Variants in DPP6 observed in about 807,000 individuals in gnomAD.
DPP6 encodes the protein dipeptidyl peptidase like 6, also known as A-type potassium channel modulatory protein DPP6.
In DPP6, 69 loss-of-function variants were observed where a neutral mutation model predicts 122.6. The observed-to-expected ratio is 0.56, with a 90% CI of 0.46 to 0.69. DPP6 has a LOEUF of 0.69. Among genes scored for constraint, DPP6 ranks in the 30% least tolerant of loss-of-function variants. The pLI is 0.00. For missense variants in DPP6, 928 were observed against 1,116.9 expected, an observed-to-expected ratio of 0.83 and a Z score of 2.41; for synonymous variants, 418 against 433.1, an observed-to-expected ratio of 0.97 and a Z score of 0.43.
chr7:154,860,353 C>T (rs535423746), intron 17 of DPP6, among the ~76,000 whole-genome samples: 1 of 152,300 alleles, frequency 6.6e-6, no homozygotes, highest in Admixed American at 6.5e-5. Context: ...GGAGTTTGCC[C>T]GCCATCCTGC....
chr7:154,548,641 C>G (rs759195622), intron 4 of DPP6, among the ~76,000 whole-genome samples: 2 of 152,120 alleles, frequency 1.3e-5, no homozygotes, highest in Admixed American at 6.6e-5. Context: ...CTCCATCACA[C>G]GTATACTCTT....
chr7:153,916,317 ACAGT>A (rs924000811), intron 1 of DPP6, among the ~76,000 whole-genome samples: 11 of 149,544 alleles, frequency 7.4e-5, no homozygotes, highest in Non-Finnish European at 1.0e-4. Context: ...TGGGGCCTGA[ACAGT>A]CAGTCACATT....
intron 1 of DPP6, among the ~76,000 whole-genome samples, chr7:154,429,071 A>T (rs10952478): frequency 0.59 from 89,553 of 151,766 alleles, 28,072 homozygotes; most frequent in Admixed American, 0.69. Context: ...TCAAAGCACC[A>T]CTGATTTAGA....
chr7:154,290,483 C>A (rs960032087), intron 1 of DPP6, among the ~76,000 whole-genome samples: 1 of 151,990 alleles, frequency 6.6e-6, no homozygotes, highest in African/African-American at 2.4e-5. Context: ...CCTGCCACCC[C>A]CCTGCCTTGC....
chr7:154,647,359 G>A lies in DPP6; in HGVS notation c.680+9486G>A, dbSNP rs922258401. Among the ~76,000 whole-genome samples, 12 of 152,194 alleles carry A rather than the reference G, an allele frequency of 7.9e-5. No individual in the cohort carries two copies. The East Asian group carries it at 2.3e-3, about 29-fold the overall frequency. ...AGAAATAACACTTCTGTCTGAATAT[G>A]CCAGTAAAGTTTCCTCTCAGGCATT... On this transcript the variant is annotated intron_variant, in intron 6 of 25. Coordinates refer to ENST00000377770, the MANE Select transcript of DPP6 (RefSeq NM_130797.4).
chr7:154,347,821 T>C (rs539249871), intron 1 of DPP6, among the ~76,000 whole-genome samples: 28 of 152,304 alleles, frequency 1.8e-4, no homozygotes, highest in African/African-American at 6.7e-4. Flanking sequence ...CCCCAATGGC[T>C]CCTCCTTTAA....
the DPP6 span, among the ~76,000 whole-genome samples, chr7:153,863,015 A>G: frequency 6.6e-6 from 1 of 152,226 alleles, no homozygotes; most frequent in South Asian, 2.1e-4. Context: ...CATATATCTT[A>G]AAATATATTG....
chr7:154,883,819 A>ACTC (rs1805744190), intron 21 of DPP6: 5 of 146,038 alleles, frequency 3.4e-5, no homozygotes, highest in East Asian at 4.4e-4. Flanking sequence ...ATGCTCACAC[A>ACTC]ATTACATACA....
chr7:154,881,081 T>C, intron 21 of DPP6, 139 bp downstream of exon 21: 1 of 1,327,880 alleles, frequency 7.5e-7, no homozygotes, highest in East Asian at 2.6e-5. Flanking sequence ...AGAGCCTGGG[T>C]GCTTAGTGAT....
At chr7:154,632,637 T>C (rs1457196269) in intron 5 of DPP6, among the ~76,000 whole-genome samples, 1 of 152,154 alleles carries the variant, frequency 6.6e-6, no homozygotes, top group Non-Finnish European at 1.5e-5. Context: ...TATTGGTCTG[T>C]AGCTGGACCT....
rs1797862381 is a variant in DPP6, at chr7:154,794,167, A to T, written c.1225A>T (p.Thr409Ser). The T allele has an allele frequency of 6.2e-7, 1 of 1,611,356 alleles. No individual in the cohort carries two copies. The highest frequency in any genetic ancestry group is 1.3e-5 in the African/African-American group (1 of 74,796). ...LNRAQNVSIL[T>S]LCDATTGVCT... ...CCGGGCGCAGAACGTGTCCATCCTC[A>T]CCCTCTGCGACGCCACCACGGGGGT... Residue 409 changes from threonine to serine, a missense_variant, in exon 11 of 26, where the codon ACC becomes TCC. Coordinates refer to ENST00000377770, the MANE Select transcript of DPP6 (RefSeq NM_130797.4).
At chr7:154,129,795 G>T (rs1808223455) in intron 1 of DPP6, among the ~76,000 whole-genome samples, 1 of 152,044 alleles carries the variant, frequency 6.6e-6, no homozygotes, top group Non-Finnish European at 1.5e-5. Flanking sequence ...AGCTACTAGG[G>T]AGGCTGAGGC....
chr7:154,758,523 C>T (rs568569566), intron 8 of DPP6, among the ~76,000 whole-genome samples: 16 of 152,076 alleles, frequency 1.1e-4, no homozygotes, highest in African/African-American at 1.7e-4. Context: ...AGGCATGCAC[C>T]GCCACGTCCA....
chr7:154,231,629 C>A (rs1033920976), intron 1 of DPP6, among the ~76,000 whole-genome samples: 1 of 152,190 alleles, frequency 6.6e-6, no homozygotes, highest in African/African-American at 2.4e-5. Context: ...CAGAAGCCAG[C>A]AAAATGCAAA....
chr7:154,561,220 G>A (rs1301235275), intron 4 of DPP6, among the ~76,000 whole-genome samples: 3 of 152,174 alleles, frequency 2.0e-5, no homozygotes, highest in South Asian at 2.1e-4. Context: ...ATAAGGATAC[G>A]GAAGTCTTGA....
chr7:153,859,103 T>C, the DPP6 span, among the ~76,000 whole-genome samples: 4 of 152,188 alleles, frequency 2.6e-5, no homozygotes, highest in Middle Eastern at 3.2e-3. Context: ...TAAAAAGCTG[T>C]TCAACAGCAA....
chr7:153,991,664 G>T (rs1002582411), intron 1 of DPP6, among the ~76,000 whole-genome samples: 2 of 152,148 alleles, frequency 1.3e-5, no homozygotes, highest in African/African-American at 4.8e-5. Context: ...GGGCCCAAGG[G>T]ACCAGTCTGG....
chr7:154,726,328 G>A (rs949916856), intron 7 of DPP6, among the ~76,000 whole-genome samples: 3 of 152,190 alleles, frequency 2.0e-5, no homozygotes, highest in Admixed American at 2.0e-4. Context: ...CTTCTGCCTG[G>A]ACTTCCAGGC....
At chr7:154,500,727 G>A (rs972825395) in intron 3 of DPP6, among the ~76,000 whole-genome samples, 1 of 152,200 alleles carries the variant, frequency 6.6e-6, no homozygotes, top group African/African-American at 2.4e-5. Context: ...GCAGTCTTGG[G>A]TATGTCTTTA....
Sources: allele counts gnomAD v4.1 joint callset (sites outside exome capture counted in the v4.1 genomes callset), GRCh38; gene constraint gnomAD v4.1.1; transcripts MANE v1.5; gene names NCBI Gene and HGNC (gene_info 2026-07-23, HGNC 2026-07-21).